CAMK2B: variants seen among roughly 807,000 people sequenced by gnomAD.
The protein encoded by CAMK2B is calcium/calmodulin dependent protein kinase II beta, also known as calcium/calmodulin-dependent protein kinase type II subunit beta.
Under a neutral mutation model 93.7 loss-of-function variants are expected in CAMK2B, and 27 were observed. The observed-to-expected ratio is 0.29, with a 90% CI of 0.21 to 0.40. The LOEUF is 0.40. CAMK2B is among the 10% of genes least tolerant of loss of function. CAMK2B has a pLI of 1.00. For missense variants in CAMK2B, 568 were observed against 895.8 expected (o/e 0.63, Z 4.67); for synonymous variants, 374 against 358.8 (o/e 1.04, Z -0.48).
chr7:44,260,429 C>T (rs527884949), intron 3 of CAMK2B, among the ~76,000 whole-genome samples: 1 of 152,302 alleles, frequency 6.6e-6, no homozygotes, highest in South Asian at 2.1e-4. Context: ...AAAATGCCCT[C>T]CACCAAGGGC....
chr7:44,253,067 C>T (rs2096794774), intron 5 of CAMK2B, among the ~76,000 whole-genome samples: 1 of 152,214 alleles, frequency 6.6e-6, no homozygotes, highest in South Asian at 2.1e-4. Context: ...CACTGCCCAT[C>T]AGGGATGCGG....
intron 6 of CAMK2B, among the ~76,000 whole-genome samples, chr7:44,244,207 T>A (rs1029945675): frequency 9.9e-5 from 15 of 152,264 alleles, no homozygotes; most frequent in Middle Eastern, 3.4e-3. Context: ...CCGCTGGGTA[T>A]CCACAGGTTG....
chr7:44,317,088 T>G (rs781226934), intron 1 of CAMK2B, among the ~76,000 whole-genome samples: 3 of 152,168 alleles, frequency 2.0e-5, no homozygotes, highest in Non-Finnish European at 4.4e-5. Flanking sequence ...CTTGACTGCT[T>G]TGTTCACTAC....
rs1024258106 is a variant in CAMK2B, at chr7:44,225,020, T to C, written c.1597+1496A>G. On this transcript the variant is annotated intron_variant, in intron 20 of 23. Coordinates refer to ENST00000395749, the MANE Select transcript of CAMK2B (RefSeq NM_001220.5). This position sits in a 1 kb window ranked among gnomAD's most constrained non-coding sequence, Gnocchi z 5.0. ...TCCATCCTGCCCTGCTCACAGCTCC[T>C]TCCTGCAGCCCCCTCCTCCCCAGCC... is the stretch of plus-strand genomic sequence containing the variant. Among the ~76,000 whole-genome samples the C allele has an allele frequency of 2.0e-5, 3 of 151,940 alleles. No individual in the cohort carries two copies. Among genetic ancestry groups the C allele is most frequent in the Admixed American group, 2.0e-4 (3 of 15,266 alleles).
At chr7:44,246,939 CAT>C (rs2096737082) in intron 6 of CAMK2B, among the ~76,000 whole-genome samples, 179 bp downstream of exon 6, 2 of 152,244 alleles carry the variant, frequency 1.3e-5, no homozygotes, top group Non-Finnish European at 2.9e-5. Flanking sequence ...CATGCACACA[CAT>C]ACACATGCAC....
At chr7:44,243,759 C>A (rs980300281) in intron 6 of CAMK2B, among the ~76,000 whole-genome samples, 1 of 152,206 alleles carries the variant, frequency 6.6e-6, no homozygotes, top group Non-Finnish European at 1.5e-5. Flanking sequence ...AGAGACACAG[C>A]AGCTCTGGCC....
chr7:44,276,237 G>A (rs2097037638), intron 2 of CAMK2B, among the ~76,000 whole-genome samples: 1 of 152,030 alleles, frequency 6.6e-6, no homozygotes, highest in African/African-American at 2.4e-5. Context: ...GAGGGGTGCT[G>A]CTGCCACAGG....
intron 5 of CAMK2B, among the ~76,000 whole-genome samples, chr7:44,249,412 G>C (rs1461578286): frequency 6.6e-6 from 1 of 152,170 alleles, no homozygotes; most frequent in African/African-American, 2.4e-5. Context: ...CCCTCCCAGG[G>C]GCCCTCCCAA....
In CAMK2B at chr7:44,228,884, ACC is replaced by A; in HGVS notation, c.1378_1379del (p.Gly460PhefsTer35). The A allele has an allele frequency of 6.3e-7, 1 of 1,586,520 alleles. No individual in the cohort carries two copies. The highest frequency in any genetic ancestry group is 1.1e-5 in the South Asian group (1 of 88,726). Reference protein sequence around the residue: ...ISDILNSVRRGSGTPEAEGPL... With the variant: ...ISDILNSVRRXSGTPEAEGPL... ...GGCCCTCGGCTTCTGGGGTTCCTGA[ACC>A]CCTTCTCACAGAGTTCAGGATGTCA... is the stretch of plus-strand genomic sequence containing the variant. On this transcript the variant is annotated frameshift_variant, in exon 19 of 24. Coordinates refer to ENST00000395749, the MANE Select transcript of CAMK2B (RefSeq NM_001220.5). LOFTEE classifies it high-confidence loss of function.
At chr7:44,310,496 A>G (rs1337337535) in intron 1 of CAMK2B, among the ~76,000 whole-genome samples, 1 of 152,222 alleles carries the variant, frequency 6.6e-6, no homozygotes, top group Non-Finnish European at 1.5e-5. Context: ...GCCATGTATC[A>G]TGTCCTTTAA....
chr7:44,247,465 C>A (rs2096742817), intron 5 of CAMK2B, among the ~76,000 whole-genome samples: 1 of 152,202 alleles, frequency 6.6e-6, no homozygotes, highest in Non-Finnish European at 1.5e-5. Context: ...AAAGGAAACA[C>A]CCCTGTCCCC....
chr7:44,234,456 C>G lies in CAMK2B; in HGVS notation c.1065G>C (p.Gln355His), dbSNP rs539202355. Residue 355 changes from glutamine (Q) to histidine (H), a missense_variant, in exon 15 of 24, where the codon CAG (glutamine) becomes CAC (histidine). By Grantham distance (24) the Gln-to-His change is conservative. Around this residue, in one of 4 missense-constraint regions of CAMK2B, gnomAD observed 308 missense variants for 292.1 expected, o/e 1.05. Transcript: ENST00000395749. ...LNKKADGVKP[Q>H]TNSTKNSAAA... Reference sequence around the variant, plus strand: ...CTGCACTGTTTTTGGTGCTATTCGTCTGGGGCTGTGGAGAGAGGGAAGAGG... The same window carrying G: ...CTGCACTGTTTTTGGTGCTATTCGTGTGGGGCTGTGGAGAGAGGGAAGAGG... The G allele has an allele frequency of 2.7e-5, 42 of 1,568,966 alleles. No individual in the cohort carries two copies. The South Asian group carries it at 5.0e-4, about 19-fold the overall frequency.
rs1209860801 is a variant in CAMK2B, at chr7:44,311,454, AC to A, written c.65+13902del. On this transcript the variant is annotated intron_variant, in intron 1 of 23. Transcript: ENST00000395749. This position sits in a 1 kb window ranked among gnomAD's most constrained non-coding sequence, Gnocchi z 4.2. ...TAACCTCTAGTAACAAACAAGAAAA[AC>A]TCAGAGAAAAGAATCCCTAAGGATT... 6.6e-6 allele frequency among the ~76,000 whole-genome samples: 1 copy of A among 152,186 alleles called. No homozygotes were observed. The highest frequency in any genetic ancestry group is 2.4e-5 in the African/African-American group (1 of 41,438).
At chr7:44,295,102 T>C (rs750659127) in intron 1 of CAMK2B, among the ~76,000 whole-genome samples, 1 of 152,214 alleles carries the variant, frequency 6.6e-6, no homozygotes, top group Non-Finnish European at 1.5e-5. Flanking sequence ...ATGGATTTGA[T>C]GATACATATT....
chr7:44,279,687 G>T (rs553414333), intron 2 of CAMK2B, among the ~76,000 whole-genome samples: 31 of 152,250 alleles, frequency 2.0e-4, no homozygotes, highest in South Asian at 4.1e-4. Flanking sequence ...TCTGCAGCTT[G>T]TGTGGTCAGC....
At chr7:44,298,717 A>C (rs1789019862) in intron 1 of CAMK2B, among the ~76,000 whole-genome samples, 3 of 152,254 alleles carry the variant, frequency 2.0e-5, no homozygotes, top group African/African-American at 4.8e-5. Flanking sequence ...TGAGCAAAGA[A>C]CTTGAATAGA....
At chr7:44,272,605 G>T (rs2096985254) in intron 2 of CAMK2B, among the ~76,000 whole-genome samples, 1 of 152,242 alleles carries the variant, frequency 6.6e-6, no homozygotes, top group African/African-American at 2.4e-5. Flanking sequence ...AGGGACCCTG[G>T]CAACCATGTC....
intron 5 of CAMK2B, 172 bp from the exon 6 acceptor site, chr7:44,247,364 C>T (rs542659827): frequency 1.5e-6 from 1 of 645,864 alleles, no homozygotes; most frequent in East Asian, 2.7e-5. Flanking sequence ...TTCCTCACCT[C>T]CAAGGCCAGC....
chr7:44,249,715 A>T (rs2096762215), intron 5 of CAMK2B, among the ~76,000 whole-genome samples: 1 of 152,184 alleles, frequency 6.6e-6, no homozygotes, highest in African/African-American at 2.4e-5. Context: ...CCTGCACCGC[A>T]TGCACCTCAC....
Sources: gnomAD v4.1 joint callset for allele counts (sites outside exome capture counted in the v4.1 genomes callset) on GRCh38, gnomAD v4.1.1 for gene constraint, gnomAD v4.1.1 regional missense constraint, Gnocchi (gnomAD v3.1) non-coding constraint, MANE v1.5 for transcripts, NCBI Gene and HGNC (gene_info 2026-07-23, HGNC 2026-07-21) for gene names.